THSD7B: variants seen among roughly 807,000 people sequenced by gnomAD.
THSD7B encodes thrombospondin type 1 domain containing 7B, also known as thrombospondin type-1 domain-containing protein 7B.
THSD7B carries 138 observed loss-of-function variants against 213.6 expected under a neutral mutation model. That is an observed-to-expected ratio of 0.65 (90% confidence interval 0.56 to 0.74). The LOEUF is 0.74. THSD7B is among the 30% of genes least tolerant of loss of function. The pLI is 0.00. For synonymous variants in THSD7B, 742 were observed against 687.0 expected, an observed-to-expected ratio of 1.08 and a Z score of -1.25; for missense variants, 1,931 against 1,991.5, an observed-to-expected ratio of 0.97 and a Z score of 0.58.
intron 20 of THSD7B, among the ~76,000 whole-genome samples, chr2:137,636,956 G>A (rs62168022): frequency 0.034 from 5,154 of 152,242 alleles, 105 homozygotes; most frequent in Non-Finnish European, 0.049. Flanking sequence ...CCAAAATGCT[G>A]GGATTACAGG....
chr2:137,344,447 A>G (rs1239273657), intron 12 of THSD7B, among the ~76,000 whole-genome samples: 1 of 151,748 alleles, frequency 6.6e-6, no homozygotes, highest in Non-Finnish European at 1.5e-5. Flanking sequence ...CCTGCATAAC[A>G]TTCATAGTAG....
At chr2:137,495,029 T>G (rs1234733149) in intron 15 of THSD7B, among the ~76,000 whole-genome samples, 1 of 152,168 alleles carries the variant, frequency 6.6e-6, no homozygotes, top group Admixed American at 6.5e-5. Context: ...TGGGATTCCT[T>G]CTCTCACTCA....
intron 16 of THSD7B, among the ~76,000 whole-genome samples, chr2:137,566,849 C>T (rs774116704): frequency 3.9e-5 from 6 of 151,992 alleles, no homozygotes; most frequent in East Asian, 3.9e-4. Context: ...AAAAGAAAAA[C>T]GAAACTGGGT....
chr2:137,494,208 T>C (rs969907133), intron 15 of THSD7B, among the ~76,000 whole-genome samples: 1 of 152,288 alleles, frequency 6.6e-6, no homozygotes, highest in East Asian at 1.9e-4. Context: ...TAGAGCATAG[T>C]ATGCTGAATG....
chr2:137,310,581 T>G (rs1683875289), intron 12 of THSD7B, among the ~76,000 whole-genome samples: 1 of 151,714 alleles, frequency 6.6e-6, no homozygotes, highest in African/African-American at 2.4e-5. Flanking sequence ...TCCTTGCCCG[T>G]GCCTATGTCC....
chr2:136,864,422 T>G (rs1291460893), intron 1 of THSD7B, among the ~76,000 whole-genome samples: 1 of 152,230 alleles, frequency 6.6e-6, no homozygotes, highest in Non-Finnish European at 1.5e-5. Flanking sequence ...ACCATGCAAA[T>G]ACAACGAACA....
At chr2:137,086,320 G>C (rs550138740) in intron 3 of THSD7B, among the ~76,000 whole-genome samples, 1 of 151,988 alleles carries the variant, frequency 6.6e-6, no homozygotes, top group South Asian at 2.1e-4. Flanking sequence ...CTGGGCAACA[G>C]AGCAAGACCC....
At chr2:137,472,022 T>C (rs1015399561) in intron 15 of THSD7B, among the ~76,000 whole-genome samples, 3 of 152,204 alleles carry the variant, frequency 2.0e-5, no homozygotes, top group Admixed American at 6.5e-5. Context: ...AGTTCTTAGA[T>C]GGAAATTATT....
At chr2:137,378,200 C>T (rs995459421) in intron 12 of THSD7B, among the ~76,000 whole-genome samples, 3 of 152,052 alleles carry the variant, frequency 2.0e-5, no homozygotes, top group East Asian at 1.9e-4. Context: ...TCAGGTCTTA[C>T]GTTAGAATGA....
chr2:136,946,289 G>A (rs544326988), intron 2 of THSD7B, among the ~76,000 whole-genome samples: 1 of 152,262 alleles, frequency 6.6e-6, no homozygotes, highest in South Asian at 2.1e-4. Flanking sequence ...TATCACCAGT[G>A]GAGGCTGCAG....
At chr2:137,661,890 A>G (rs1683350866) in intron 25 of THSD7B, among the ~76,000 whole-genome samples, 1 of 152,078 alleles carries the variant, frequency 6.6e-6, no homozygotes, top group African/African-American at 2.4e-5. Flanking sequence ...AGTTGTACAC[A>G]TGCTCACTTT....
chr2:137,073,769 A>G (rs1257565060), intron 3 of THSD7B, among the ~76,000 whole-genome samples: 1 of 152,090 alleles, frequency 6.6e-6, no homozygotes, highest in Non-Finnish European at 1.5e-5. Context: ...TGTCCCAGAG[A>G]TTCTGGTATG....
intron 12 of THSD7B, among the ~76,000 whole-genome samples, chr2:137,389,868 C>A (rs1468052852): frequency 6.6e-6 from 1 of 152,046 alleles, no homozygotes; most frequent in Admixed American, 6.6e-5. Context: ...TGTAAAAAAT[C>A]TATTGGCTGT....
At chr2:136,965,712 G>T (rs566691645) in intron 2 of THSD7B, among the ~76,000 whole-genome samples, 28 of 152,126 alleles carry the variant, frequency 1.8e-4, no homozygotes, top group Middle Eastern at 3.4e-3. Context: ...TGAGATAATG[G>T]TTATCCTTTA....
chr2:137,072,225 C>G (rs930825628), intron 3 of THSD7B, among the ~76,000 whole-genome samples: 6 of 152,160 alleles, frequency 3.9e-5, no homozygotes, highest in African/African-American at 1.4e-4. Context: ...GATATTGATT[C>G]TTCCTACCCA....
At chr2:137,270,453 T>C (rs1479242389) in intron 10 of THSD7B, among the ~76,000 whole-genome samples, 1 of 152,194 alleles carries the variant, frequency 6.6e-6, no homozygotes. Context: ...CTTCTGAGGA[T>C]CTCATTCAAA....
At chr2:136,828,735 C>A (rs191823168) in intron 1 of THSD7B, among the ~76,000 whole-genome samples, 21 of 152,184 alleles carry the variant, frequency 1.4e-4, no homozygotes, top group African/African-American at 4.6e-4. Flanking sequence ...ATTCTTGCCT[C>A]GTTTGTTTCA....
chr2:137,470,196 A>G (rs1212527641), intron 15 of THSD7B, among the ~76,000 whole-genome samples: 2 of 152,204 alleles, frequency 1.3e-5, no homozygotes, highest in Non-Finnish European at 2.9e-5. Flanking sequence ...CCCAGAACCT[A>G]TTATTGAATT....
chr2:137,222,028 A>G (rs1681382721), intron 7 of THSD7B, among the ~76,000 whole-genome samples: 1 of 152,224 alleles, frequency 6.6e-6, no homozygotes, highest in Non-Finnish European at 1.5e-5. Flanking sequence ...TCTAGCTAAG[A>G]CAAAATTAGG....
Sources: allele counts gnomAD v4.1 joint callset (sites outside exome capture counted in the v4.1 genomes callset), GRCh38; gene constraint gnomAD v4.1.1; transcripts MANE v1.5; gene names NCBI Gene and HGNC (gene_info 2026-07-23, HGNC 2026-07-21).